Variants in CNTN1 observed in about 807,000 individuals in gnomAD.
The protein encoded by CNTN1 is contactin-1.
CNTN1 carries 38 observed loss-of-function variants against 126.4 expected under a neutral mutation model. The observed-to-expected ratio is 0.30, with a 90% CI of 0.23 to 0.39. The LOEUF is 0.39. Ranked by LOEUF, CNTN1 falls within the 10% of genes least tolerant of loss-of-function variation. The probability of loss-of-function intolerance (pLI) is 1.00; values close to 1 mark genes in which losing one functional copy is unlikely to be tolerated. For missense variants in CNTN1, 1,009 were observed against 1,248.4 expected, an observed-to-expected ratio of 0.81 and a Z score of 2.89; for synonymous variants, 413 against 422.6, an observed-to-expected ratio of 0.98 and a Z score of 0.28.
intron 17 of CNTN1, among the ~76,000 whole-genome samples, chr12:40,994,398 G>A (rs1040386613): frequency 2.0e-5 from 3 of 152,076 alleles, no homozygotes; most frequent in African/African-American, 4.8e-5. Context: ...TGAGATGTTT[G>A]TTTAGACCAA....
intron 1 of CNTN1, among the ~76,000 whole-genome samples, chr12:40,874,176 T>C (rs143070633): frequency 2.3e-3 from 352 of 152,200 alleles, no homozygotes; most frequent in Non-Finnish European, 3.9e-3. Context: ...TTCCTATCTA[T>C]AAAATTAGGT....
intron 14 of CNTN1, among the ~76,000 whole-genome samples, chr12:40,945,351 G>C (rs970925114): frequency 6.6e-6 from 1 of 151,948 alleles, no homozygotes; most frequent in Non-Finnish European, 1.5e-5. Flanking sequence ...TGCAAGAAAA[G>C]TAAATACAAC....
intron 3 of CNTN1, among the ~76,000 whole-genome samples, chr12:40,911,158 G>T (rs1368410209): frequency 6.6e-6 from 1 of 150,938 alleles, no homozygotes; most frequent in African/African-American, 2.4e-5. Flanking sequence ...TCGGCTCACT[G>T]CAAGCTCCAC....
At chr12:40,854,646 CT>C (rs1184438360) in intron 1 of CNTN1, among the ~76,000 whole-genome samples, 1 of 152,142 alleles carries the variant, frequency 6.6e-6, no homozygotes, top group Non-Finnish European at 1.5e-5. Context: ...AAGCTTTTCA[CT>C]TCCGTTAACA....
At chr12:40,801,428 A>T (rs1940648723) in intron 1 of CNTN1, among the ~76,000 whole-genome samples, 2 of 151,986 alleles carry the variant, frequency 1.3e-5, no homozygotes, top group African/African-American at 4.8e-5. Flanking sequence ...AAATAATTAT[A>T]AAATTGGGTT....
chr12:40,894,579 ATT>A (rs910899363), intron 1 of CNTN1, among the ~76,000 whole-genome samples: 1 of 152,106 alleles, frequency 6.6e-6, no homozygotes, highest in Admixed American at 6.5e-5. Flanking sequence ...CAGAAAAAAT[ATT>A]TCTCTCATTT....
intron 14 of CNTN1, among the ~76,000 whole-genome samples, chr12:40,954,468 A>AT (rs1379094719): frequency 6.6e-6 from 1 of 152,060 alleles, no homozygotes; most frequent in East Asian, 1.9e-4. Flanking sequence ...TATGAATCTT[A>AT]TTCTCTGCTT....
intron 17 of CNTN1, among the ~76,000 whole-genome samples, chr12:41,010,079 A>G (rs74854021): frequency 0.1 from 15,579 of 152,160 alleles, 904 homozygotes; most frequent in Non-Finnish European, 0.13. Flanking sequence ...GTCATGCTAC[A>G]GAAAGAGGGG....
intron 1 of CNTN1, among the ~76,000 whole-genome samples, chr12:40,872,012 T>C (rs921531541): frequency 1.3e-5 from 2 of 152,310 alleles, no homozygotes; most frequent in Non-Finnish European, 2.9e-5. Context: ...GAGGAAATGA[T>C]AAAAAACTAT....
At chr12:40,724,682 A>G (rs1044991829) in intron 1 of CNTN1, among the ~76,000 whole-genome samples, 1 of 152,216 alleles carries the variant, frequency 6.6e-6, no homozygotes, top group African/African-American at 2.4e-5. Flanking sequence ...AAAGATAGTA[A>G]TATTTAAAAT....
At chr12:40,835,797 T>TAC (rs1262517229) in intron 1 of CNTN1, among the ~76,000 whole-genome samples, 3 of 120,826 alleles carry the variant, frequency 2.5e-5, no homozygotes, top group Non-Finnish European at 5.2e-5. Flanking sequence ...AAATGCTATT[T>TAC]ATACACACAC....
At chr12:40,962,874 T>C (rs1477529715) in intron 15 of CNTN1, among the ~76,000 whole-genome samples, 3 of 152,158 alleles carry the variant, frequency 2.0e-5, no homozygotes, top group African/African-American at 7.2e-5. Flanking sequence ...ATGAGTTATA[T>C]CTGTTAACTT....
Position 40,944,289 on chromosome 12 carries a change from A to T in CNTN1, c.1683+119A>T, listed in dbSNP as rs1015275601. The T allele has an allele frequency of 6.4e-5, 59 of 928,076 alleles. No individual in the cohort carries two copies. In the African/African-American group the frequency reaches 9.2e-4, roughly 14 times the overall value. 57.5% of individuals were successfully genotyped at this position (928,076 alleles called of 1,614,324 possible). A position where few individuals can be genotyped will look rare whatever the true frequency, so the allele number is the denominator to read the frequency against. On this transcript the variant is annotated intron_variant, in intron 14 of 23. Transcript: ENST00000551295. ...TTTGTTTTTCATGAGACCAAAAAGC[A>T]GGCAAAAAAGCTTTCTGTGGTTCTC... is the stretch of plus-strand genomic sequence containing the variant.
intron 1 of CNTN1, among the ~76,000 whole-genome samples, chr12:40,711,903 G>T (rs1309074637): frequency 6.6e-6 from 1 of 152,018 alleles, no homozygotes; most frequent in Non-Finnish European, 1.5e-5. Flanking sequence ...TAGAGAAGAG[G>T]TCTTGCTATG....
At chr12:40,782,129 G>A (rs983288004) in intron 1 of CNTN1, among the ~76,000 whole-genome samples, 3 of 151,758 alleles carry the variant, frequency 2.0e-5, no homozygotes, top group Admixed American at 6.6e-5. Flanking sequence ...CTATCAATAT[G>A]CACACATATT....
chr12:40,784,482 G>C (rs12426873), intron 1 of CNTN1, among the ~76,000 whole-genome samples: 8,150 of 152,174 alleles, frequency 0.054, 299 homozygotes, highest in Admixed American at 0.079. Flanking sequence ...TTTCTGGCAG[G>C]TTATAAATGA....
At chr12:41,043,905 A>C (rs1185547472) in intron 23 of CNTN1, among the ~76,000 whole-genome samples, 1 of 147,416 alleles carries the variant, frequency 6.8e-6, no homozygotes, top group African/African-American at 2.5e-5. Flanking sequence ...AAGGACAAAA[A>C]ACCAAACACC....
intron 1 of CNTN1, among the ~76,000 whole-genome samples, chr12:40,698,232 T>A (rs928159877): frequency 7.8e-6 from 1 of 129,016 alleles, no homozygotes; most frequent in African/African-American, 3.0e-5. Flanking sequence ...CACTTAATTT[T>A]TTTTTTTTTT....
chr12:40,783,376 G>C (rs1024322033), intron 1 of CNTN1, among the ~76,000 whole-genome samples: 1 of 152,004 alleles, frequency 6.6e-6, no homozygotes, highest in Admixed American at 6.6e-5. Context: ...AGCCAGTCTT[G>C]CCTCCTATAA....
Sources: allele counts gnomAD v4.1 joint callset (sites outside exome capture counted in the v4.1 genomes callset), GRCh38; gene constraint gnomAD v4.1.1; transcripts MANE v1.5; gene names NCBI Gene and HGNC (gene_info 2026-07-23, HGNC 2026-07-21).